The following DCC variants were observed in gnomAD, a reference collection of about 807,000 sequenced individuals.
The protein encoded by DCC is netrin receptor DCC.
Under a neutral mutation model 172.5 loss-of-function variants are expected in DCC, and 58 were observed. The observed-to-expected ratio is 0.34, with a 90% confidence interval of 0.27 to 0.42. The LOEUF (loss-of-function observed/expected upper bound fraction) is 0.42, where lower values mean the gene tolerates loss of function less well. Ranked by LOEUF, DCC falls within the 10% of genes least tolerant of loss-of-function variation. The pLI is 1.00. For synonymous variants in DCC, 709 were observed against 644.5 expected (o/e 1.10, Z -1.52); for missense variants, 1,740 against 1,791.0 (o/e 0.97, Z 0.51).
chr18:53,505,738 C>T (rs930386288), intron 27 of DCC, among the ~76,000 whole-genome samples: 3 of 152,040 alleles, frequency 2.0e-5, no homozygotes, highest in Non-Finnish European at 2.9e-5. Context: ...TAATTCGAAA[C>T]ATGTAAGCTA....
intron 1 of DCC, among the ~76,000 whole-genome samples, chr18:52,677,864 T>C (rs1420974328): frequency 6.6e-6 from 1 of 152,184 alleles, no homozygotes; most frequent in Non-Finnish European, 1.5e-5. Context: ...ATACTTTTTC[T>C]TCTACAACTT....
At chr18:52,617,626 C>G (rs2034408127) in intron 1 of DCC, among the ~76,000 whole-genome samples, 1 of 152,084 alleles carries the variant, frequency 6.6e-6, no homozygotes, top group African/African-American at 2.4e-5. Context: ...TTCTCTTCTC[C>G]TAACCCAGAT....
At chr18:52,465,344 A>G (rs569653079) in intron 1 of DCC, among the ~76,000 whole-genome samples, 12 of 152,286 alleles carry the variant, frequency 7.9e-5, no homozygotes, top group Non-Finnish European at 1.3e-4. Context: ...CAAAGAATAC[A>G]TATTTATCTG....
intron 1 of DCC, among the ~76,000 whole-genome samples, chr18:52,497,314 T>TATATATACAC: frequency 1.4e-5 from 1 of 73,978 alleles, no homozygotes; most frequent in African/African-American, 5.1e-5. Context: ...TATATATATA[T>TATATATACAC]ACACACACAC....
intron 1 of DCC, among the ~76,000 whole-genome samples, chr18:52,446,798 C>G (rs1333973811): frequency 6.6e-6 from 1 of 152,158 alleles, no homozygotes; most frequent in Non-Finnish European, 1.5e-5. Flanking sequence ...CACCAGACCC[C>G]CTGGGACTCC....
At chr18:52,539,299 G>A (rs1246626620) in intron 1 of DCC, among the ~76,000 whole-genome samples, 1 of 151,842 alleles carries the variant, frequency 6.6e-6, no homozygotes, top group African/African-American at 2.4e-5. Flanking sequence ...GGAGTTCAAG[G>A]TAAATCCATG....
At position 52,573,113 on chromosome 18, in the gene DCC, T is replaced by A. The variant is rs141658910; in HGVS notation, c.92-178941T>A. 1.2e-3 allele frequency among the ~76,000 whole-genome samples: 184 copies of A among 152,252 alleles called. 1 individual carries two copies. Among genetic ancestry groups the A allele is most frequent in the African/African-American group, 4.4e-3 (182 of 41,518 alleles). ...TTCACATATACCTTTAGAATGCATT[T>A]TGGGAAAATTCCAAATAATGGCTTA... is the stretch of plus-strand genomic sequence containing the variant. On this transcript the variant is annotated intron_variant, in intron 1 of 28. Transcript: ENST00000442544.
At chr18:53,010,051 C>A (rs1260267717) in intron 5 of DCC, among the ~76,000 whole-genome samples, 1 of 151,976 alleles carries the variant, frequency 6.6e-6, no homozygotes, top group Non-Finnish European at 1.5e-5. Flanking sequence ...ATTAGACCCA[C>A]TCCTGTGATC....
At chr18:52,927,771 G>A (rs778132327) in intron 5 of DCC, among the ~76,000 whole-genome samples, 1 of 152,012 alleles carries the variant, frequency 6.6e-6, no homozygotes, top group Admixed American at 6.6e-5. Flanking sequence ...AGATATTGCC[G>A]GGGTTGTGGA....
chr18:52,622,018 C>T (rs1438102792), intron 1 of DCC, among the ~76,000 whole-genome samples: 4 of 152,002 alleles, frequency 2.6e-5, no homozygotes, highest in African/African-American at 7.2e-5. Context: ...ATTTGCATTC[C>T]GTGAACACAC....
chr18:52,979,899 C>T (rs536932053), intron 5 of DCC, among the ~76,000 whole-genome samples: 5 of 152,274 alleles, frequency 3.3e-5, no homozygotes, highest in East Asian at 3.9e-4. Context: ...ACTTAACAGG[C>T]GGAGTGGTTG....
At chr18:52,450,386 C>A (rs1372940829) in intron 1 of DCC, among the ~76,000 whole-genome samples, 1 of 152,122 alleles carries the variant, frequency 6.6e-6, no homozygotes, top group Admixed American at 6.5e-5. Flanking sequence ...TACTATATAC[C>A]AGACTTTGAC....
At chr18:53,133,971 T>A (rs1046932476) in intron 7 of DCC, among the ~76,000 whole-genome samples, 1 of 152,164 alleles carries the variant, frequency 6.6e-6, no homozygotes, top group Non-Finnish European at 1.5e-5. Flanking sequence ...TGAATTTTAT[T>A]GGAGAGCAAG....
At chr18:52,949,849 T>C (rs994532432) in intron 5 of DCC, among the ~76,000 whole-genome samples, 18 of 152,258 alleles carry the variant, frequency 1.2e-4, no homozygotes, top group Admixed American at 1.0e-3. Flanking sequence ...CTGGCTTTCC[T>C]TTTCTAAGTT....
chr18:53,428,318 T>TAG (rs1426432403), intron 21 of DCC, among the ~76,000 whole-genome samples: 27 of 36,742 alleles, frequency 7.3e-4, no homozygotes, highest in Admixed American at 1.5e-3. Context: ...ATATAATATA[T>TAG]AATATAATAT....
chr18:52,476,020 C>T (rs891431128), intron 1 of DCC, among the ~76,000 whole-genome samples: 1 of 152,136 alleles, frequency 6.6e-6, no homozygotes, highest in East Asian at 1.9e-4. Context: ...ACTTTGATAC[C>T]ATCTTCAAAC....
At chr18:52,801,472 G>T (rs1352672964) in intron 2 of DCC, among the ~76,000 whole-genome samples, 2 of 151,898 alleles carry the variant, frequency 1.3e-5, no homozygotes, top group Non-Finnish European at 1.5e-5. Context: ...CTCACAAAGG[G>T]GTTAATCATT....
At chr18:53,088,276 T>C (rs8088552) in intron 7 of DCC, among the ~76,000 whole-genome samples, 103,435 of 152,020 alleles carry the variant, frequency 0.68, 36,747 homozygotes, top group African/African-American at 0.87. Context: ...TCTTTGATTT[T>C]GTTGAGCAGT....
At chr18:53,036,985 G>A (rs141225950) in intron 5 of DCC, among the ~76,000 whole-genome samples, 16 of 152,118 alleles carry the variant, frequency 1.1e-4, no homozygotes, top group Admixed American at 4.6e-4. Flanking sequence ...GCAGGTAGTA[G>A]AGCAGGATCC....
Sources: allele counts gnomAD v4.1 joint callset (sites outside exome capture counted in the v4.1 genomes callset), GRCh38; gene constraint gnomAD v4.1.1; transcripts MANE v1.5; gene names NCBI Gene and HGNC (gene_info 2026-07-23, HGNC 2026-07-21).